The following PTPRD variants were observed in gnomAD, a reference collection of about 807,000 sequenced individuals.
The protein encoded by PTPRD is receptor-type tyrosine-protein phosphatase delta.
In PTPRD, 34 loss-of-function variants were observed where a neutral mutation model predicts 214.5. The observed-to-expected ratio is 0.16, with a 90% CI of 0.12 to 0.21. The LOEUF (loss-of-function observed/expected upper bound fraction) is 0.21, where lower values mean the gene tolerates loss of function less well. PTPRD is among the 10% of genes least tolerant of loss of function. The pLI is 1.00. For synonymous variants in PTPRD, 1,128 were observed against 845.7 expected (o/e 1.33, Z -5.79); for missense variants, 2,545 against 2,398.7 (o/e 1.06, Z -1.27).
At chr9:9,824,648 T>C (rs548218856) in intron 5 of PTPRD, among the ~76,000 whole-genome samples, 31 of 152,130 alleles carry the variant, frequency 2.0e-4, no homozygotes, top group African/African-American at 6.7e-4. Flanking sequence ...ATATTTCAGT[T>C]GTAAAAGATA....
rs780997589 is a variant in PTPRD at position 8,454,533 on chromosome 9, A to AT, written c.3876-4697dup. The stretch of plus-strand genomic sequence containing the variant: ...CAACAACTCTGAAGTCTACCAGTTT[A>AT]TTTTTTTCTTACTGAACATTAAAGG... On this transcript the variant is annotated intron_variant, in intron 33 of 45. Coordinates refer to ENST00000381196, the MANE Select transcript of PTPRD (RefSeq NM_002839.4). 47 of 1,606,234 alleles carry AT rather than the reference A, an allele frequency of 2.9e-5. No individual in the cohort carries two copies. The East Asian group carries it at 8.7e-4, about 30-fold the overall frequency.
At chr9:9,084,337 G>C (rs1486540663) in intron 10 of PTPRD, among the ~76,000 whole-genome samples, 1 of 152,134 alleles carries the variant, frequency 6.6e-6, no homozygotes, top group African/African-American at 2.4e-5. Flanking sequence ...TCACTCATAA[G>C]TGGGAGTTGA....
At chr9:8,702,116 T>C (rs1215394806) in intron 12 of PTPRD, among the ~76,000 whole-genome samples, 1 of 152,204 alleles carries the variant, frequency 6.6e-6, no homozygotes, top group Non-Finnish European at 1.5e-5. Flanking sequence ...GTAGCTTTTG[T>C]TCTCATCTAC....
intron 5 of PTPRD, among the ~76,000 whole-genome samples, chr9:9,883,236 A>AT (rs1035478532): frequency 1.3e-5 from 2 of 152,072 alleles, no homozygotes; most frequent in African/African-American, 2.4e-5. Flanking sequence ...AGATAAGTTT[A>AT]TTTTTTCAAT....
chr9:10,429,763 G>T (rs1390083744), intron 2 of PTPRD, among the ~76,000 whole-genome samples: 1 of 151,758 alleles, frequency 6.6e-6, no homozygotes, highest in Non-Finnish European at 1.5e-5. Context: ...GGGGGAGGAT[G>T]ATGATGAATT....
At chr9:9,703,463 A>T (rs1305766367) in intron 7 of PTPRD, among the ~76,000 whole-genome samples, 1 of 152,110 alleles carries the variant, frequency 6.6e-6, no homozygotes, top group Non-Finnish European at 1.5e-5. Flanking sequence ...CATTACATTC[A>T]CCAGGAAGCT....
intron 14 of PTPRD, among the ~76,000 whole-genome samples, chr9:8,544,565 G>A (rs1456377507): frequency 6.7e-6 from 1 of 149,906 alleles, no homozygotes; most frequent in African/African-American, 2.5e-5. Context: ...CACCTCCTGG[G>A]TTCCAGTGAT....
At position 9,530,479 on chromosome 9, in the gene PTPRD, CA is replaced by C. The variant is rs558082488; in HGVS notation, c.-237+44252del. Among the ~76,000 whole-genome samples, 491 of 152,152 alleles carry C rather than the reference CA, an allele frequency of 3.2e-3. 5 individuals are homozygous for C. The highest frequency in any genetic ancestry group is 0.011 in the African/African-American group (474 of 41,544). ...AGAACAGACCAATAACAAGTAATGA[CA>C]TTGAATCAGTAATAAGAAGTCTCCA... On this transcript the variant is annotated intron_variant, in intron 8 of 45. Coordinates refer to ENST00000381196, the MANE Select transcript of PTPRD (RefSeq NM_002839.4).
intron 5 of PTPRD, among the ~76,000 whole-genome samples, chr9:9,834,892 C>T (rs1434332618): frequency 6.6e-6 from 1 of 151,724 alleles, no homozygotes; most frequent in Non-Finnish European, 1.5e-5. Flanking sequence ...AAAACTGTGT[C>T]CTCTGGTCAA....
At chr9:9,720,433 A>T (rs6477407) in intron 7 of PTPRD, among the ~76,000 whole-genome samples, 65,257 of 151,872 alleles carry the variant, frequency 0.43, 16,480 homozygotes, top group African/African-American at 0.7. Context: ...ATATGTCACT[A>T]GGCGTTTTAC....
In PTPRD at chr9:8,775,939, G is replaced by A. The variant is rs149068013; in HGVS notation, c.-103-41993C>T. Among the ~76,000 whole-genome samples the A allele has an allele frequency of 2.8e-3, 423 of 152,222 alleles. 2 individuals are homozygous for A. The highest frequency in any genetic ancestry group is 9.8e-3 in the African/African-American group (407 of 41,528). On this transcript the variant is annotated intron_variant, in intron 11 of 45. Coordinates refer to ENST00000381196, the MANE Select transcript of PTPRD (RefSeq NM_002839.4). ...AACAGCTTGATGTTTCATTTAGGCTGGGCCAGTCCTAACTCCTAGCAGTAG... is the reference window on the plus strand; with the variant it reads ...AACAGCTTGATGTTTCATTTAGGCTAGGCCAGTCCTAACTCCTAGCAGTAG...
intron 5 of PTPRD, among the ~76,000 whole-genome samples, chr9:9,870,230 C>A (rs988386004): frequency 2.0e-5 from 3 of 151,700 alleles, no homozygotes; most frequent in South Asian, 2.1e-4. Context: ...TTTGAAAATT[C>A]CCGAATAAAA....
chr9:9,185,481 G>A (rs532201598), intron 9 of PTPRD, among the ~76,000 whole-genome samples: 17 of 152,116 alleles, frequency 1.1e-4, no homozygotes, highest in African/African-American at 4.1e-4. Context: ...CCACTTGCTG[G>A]TTAAGTTTAG....
intron 11 of PTPRD, among the ~76,000 whole-genome samples, chr9:8,947,540 A>C (rs2099073661): frequency 6.6e-6 from 1 of 152,052 alleles, no homozygotes; most frequent in Non-Finnish European, 1.5e-5. Flanking sequence ...GCCTTAGAAA[A>C]AGTAACCAGT....
intron 8 of PTPRD, among the ~76,000 whole-genome samples, chr9:9,472,213 T>TG (rs2094647675): frequency 6.7e-6 from 1 of 148,158 alleles, no homozygotes; most frequent in Non-Finnish European, 1.5e-5. Context: ...TTTTCTTTTT[T>TG]TGAGACGGAG....
intron 11 of PTPRD, among the ~76,000 whole-genome samples, chr9:8,816,964 T>C (rs1015095259): frequency 6.6e-6 from 1 of 152,230 alleles, no homozygotes; most frequent in African/African-American, 2.4e-5. Flanking sequence ...GTTATAAGTG[T>C]AACTTACACG....
At chr9:8,577,809 C>A (rs1362342553) in intron 14 of PTPRD, among the ~76,000 whole-genome samples, 1 of 152,170 alleles carries the variant, frequency 6.6e-6, no homozygotes, top group East Asian at 1.9e-4. Context: ...TCGGGCCCTA[C>A]TCAAGACCCG....
At chr9:9,345,543 T>C (rs925193768) in intron 9 of PTPRD, among the ~76,000 whole-genome samples, 5 of 152,180 alleles carry the variant, frequency 3.3e-5, no homozygotes, top group African/African-American at 1.2e-4. Flanking sequence ...TAGTATATTT[T>C]TTTAAAGTGC....
intron 5 of PTPRD, among the ~76,000 whole-genome samples, chr9:9,937,751 C>A (rs954113117): frequency 1.3e-5 from 2 of 151,848 alleles, no homozygotes; most frequent in Admixed American, 1.3e-4. Flanking sequence ...TGTGAATTAC[C>A]CATAAGTTAT....
Sources: allele counts gnomAD v4.1 joint callset (sites outside exome capture counted in the v4.1 genomes callset), GRCh38; gene constraint gnomAD v4.1.1; transcripts MANE v1.5; gene names NCBI Gene and HGNC (gene_info 2026-07-23, HGNC 2026-07-21).